The following CHD1L variants were observed in gnomAD, a reference collection of about 807,000 sequenced individuals.
CHD1L encodes ATP-dependent chromatin remodeler CHD1L.
Under a neutral mutation model 115.9 loss-of-function variants are expected in CHD1L, and 118 were observed. The ratio of observed to expected loss-of-function variants is 1.02; its 90% confidence interval spans 0.88 to 1.19. The LOEUF is 1.19. Among genes scored for constraint, CHD1L ranks in the 50% most tolerant of loss-of-function variants. CHD1L has a pLI of 0.00. For synonymous variants in CHD1L, 411 were observed against 387.1 expected (o/e 1.06, Z -0.72); for missense variants, 1,179 against 1,065.3 (o/e 1.11, Z -1.49).
At chr1:147,203,585 C>T in the CHD1L span, 16 of 1,068,310 alleles carry the variant, frequency 1.5e-5, no homozygotes, top group South Asian at 5.0e-5. Flanking sequence ...TGCCAGTGCA[C>T]GGGGAATAGC....
chr1:147,186,662 C>T, the CHD1L span: 1 of 1,313,988 alleles, frequency 7.6e-7, no homozygotes, highest in Non-Finnish European at 9.7e-7. Flanking sequence ...AGTACCTGAG[C>T]TCCCAGTCTA....
rs1420386811 is a variant in CHD1L at position 147,293,609 on chromosome 1, T to C, written c.2393T>C (p.Leu798Ser). The C allele has an allele frequency of 1.9e-6, 3 of 1,613,682 alleles. No individual in the cohort carries two copies. In the African/African-American group the frequency reaches 4.0e-5, roughly 22 times the overall value. Residue 798 changes from leucine to serine, a missense_variant and splice_region_variant, in exon 21 of 23, where the codon TTG (leucine) becomes TCG (serine). By Grantham distance (145) the Leu-to-Ser change is moderately radical. Transcript: ENST00000369258. ...KESRNKGQDL[L>S]ALIVAQHRDR... is the part of the protein sequence containing the mutation. ...TCATCTAATGGTGGTTCTTTCCAGT[T>C]GGCCTTGATTGTGGCTCAGCATCGT... is the stretch of plus-strand genomic sequence containing the variant.
At chr1:147,272,560 A>AT (rs1676657789) in intron 12 of CHD1L, 1 of 247,110 alleles carries the variant, frequency 4.0e-6, no homozygotes, top group Non-Finnish European at 7.7e-6. Flanking sequence ...GATTTATGTG[A>AT]TTTTGTGGAA....
chr1:147,263,786 C>G (rs1295976676), intron 6 of CHD1L, among the ~76,000 whole-genome samples: 1 of 151,970 alleles, frequency 6.6e-6, no homozygotes, highest in Non-Finnish European at 1.5e-5. Context: ...TCTCTGTGAT[C>G]ACCAGAAACA....
intron 13 of CHD1L, 54 bp downstream of exon 13, chr1:147,275,522 GA>G: frequency 5.1e-6 from 7 of 1,376,544 alleles, no homozygotes; most frequent in Non-Finnish European, 7.2e-6. Context: ...TCTGGGTTGT[GA>G]AAAAGGTGAA....
the CHD1L span, among the ~76,000 whole-genome samples, chr1:147,185,548 G>A: frequency 9.9e-5 from 15 of 152,166 alleles, no homozygotes; most frequent in African/African-American, 2.6e-4. Flanking sequence ...TGAAAGGGCC[G>A]GCAATTGTTC....
chr1:147,214,536 C>T, the CHD1L span, among the ~76,000 whole-genome samples: 3 of 151,900 alleles, frequency 2.0e-5, no homozygotes, highest in Non-Finnish European at 4.4e-5. Context: ...GTTCCTCTAT[C>T]ATGTTCTTTT....
At chr1:147,215,126 G>A in the CHD1L span, 10 of 152,118 alleles carry the variant, frequency 6.6e-5, no homozygotes, top group African/African-American at 2.4e-4. Flanking sequence ...GAGCAGGAAG[G>A]AACCACAGAA....
the CHD1L span, among the ~76,000 whole-genome samples, chr1:147,180,565 A>G: frequency 6.6e-6 from 1 of 152,212 alleles, no homozygotes; most frequent in Non-Finnish European, 1.5e-5. Flanking sequence ...TGCTGGGACT[A>G]CAGGCATGAG....
chr1:147,244,948 G>T (rs1666111332), intron 1 of CHD1L, among the ~76,000 whole-genome samples: 1 of 152,082 alleles, frequency 6.6e-6, no homozygotes, highest in South Asian at 2.1e-4. Flanking sequence ...AGCAACACTG[G>T]TATTTTCTAA....
In CHD1L at chr1:147,242,820, G is replaced by C. The variant is rs1332924827; in HGVS notation, c.117G>C (p.Trp39Cys). The C allele has an allele frequency of 3.9e-6, 5 of 1,277,746 alleles. No individual in the cohort carries two copies. The highest frequency in any genetic ancestry group is 5.0e-6 in the Non-Finnish European group (5 of 1,005,374). The allele number at this position is 1,277,746 out of a possible 1,614,324, so 79.2% of individuals were successfully genotyped here. ...ARVQEQDLRQWGLTGIHLRSY... is the reference protein window; with the variant it reads ...ARVQEQDLRQCGLTGIHLRSY... ...TGCAGGAGCAGGACTTACGGCAGTG[G>C]GGGCTGACAGGTGAGCGGGCTCCGG... Residue 39 changes from tryptophan to cysteine, a missense_variant, in exon 1 of 23, where the codon TGG becomes TGC. Transcript: ENST00000369258.
the CHD1L span, chr1:147,215,784 T>G: frequency 6.2e-7 from 1 of 1,609,332 alleles, no homozygotes. Flanking sequence ...GAAGGTCAAA[T>G]TCTTTGGCAT....
At chr1:147,232,604 T>G in the CHD1L span, among the ~76,000 whole-genome samples, 1 of 151,880 alleles carries the variant, frequency 6.6e-6, no homozygotes, top group Non-Finnish European at 1.5e-5. Context: ...CCCTGCCTGA[T>G]TCTCCTGCCT....
intron 9 of CHD1L, 110 bp from the exon 10 acceptor site, chr1:147,268,672 G>T (rs1553950310): frequency 1.3e-6 from 1 of 755,438 alleles, no homozygotes; most frequent in African/African-American, 1.8e-5. Flanking sequence ...AGATCATCAT[G>T]CAAACAACTA....
At chr1:147,267,557 A>C in intron 9 of CHD1L, 39 bp downstream of exon 9, 2 of 1,517,468 alleles carry the variant, frequency 1.3e-6, no homozygotes, top group Non-Finnish European at 1.8e-6. Flanking sequence ...ATTCTTTGGT[A>C]ATGTTTCTGT....
intron 15 of CHD1L, among the ~76,000 whole-genome samples, chr1:147,282,679 A>G (rs1343284553): frequency 6.6e-6 from 1 of 152,184 alleles, no homozygotes; most frequent in African/African-American, 2.4e-5. Context: ...GTTATAATTG[A>G]TTATATTAAG....
chr1:147,187,194 C>T, the CHD1L span: 1 of 1,614,078 alleles, frequency 6.2e-7, no homozygotes, highest in South Asian at 1.1e-5. Flanking sequence ...CAAGCTCTTC[C>T]ATGGTATCTA....
the CHD1L span, among the ~76,000 whole-genome samples, chr1:147,203,114 C>T: frequency 0.054 from 8,023 of 147,778 alleles, 239 homozygotes; most frequent in African/African-American, 0.087. Flanking sequence ...CAAAGGTTTC[C>T]TTTTTTTTTT....
At chr1:147,268,923 A>G (rs1321624563) in intron 10 of CHD1L, 45 bp downstream of exon 10, 2 of 1,461,052 alleles carry the variant, frequency 1.4e-6, no homozygotes, top group African/African-American at 2.8e-5. Flanking sequence ...AATGACTGTT[A>G]AAACCTGACT....
Sources: allele counts gnomAD v4.1 joint callset (sites outside exome capture counted in the v4.1 genomes callset), GRCh38; gene constraint gnomAD v4.1.1; transcripts MANE v1.5; gene names NCBI Gene and HGNC (gene_info 2026-07-23, HGNC 2026-07-21).